Variants in DMD observed in about 807,000 individuals in gnomAD.
DMD encodes mutant dystrophin.
A neutral mutation model predicts 330.1 loss-of-function variants in DMD; 63 were observed. The observed-to-expected ratio is 0.19, with a 90% CI of 0.16 to 0.24. DMD has a LOEUF of 0.24. Ranked by LOEUF, DMD falls within the 10% of genes least tolerant of loss-of-function variation. The pLI, the probability that DMD is intolerant of heterozygous loss-of-function variation, is 1.00. For missense variants in DMD, 3,344 were observed against 2,684.1 expected, an observed-to-expected ratio of 1.25 and a Z score of -5.43; for synonymous variants, 1,223 against 959.8, an observed-to-expected ratio of 1.27 and a Z score of -5.07.
intron 17 of DMD, among the ~76,000 whole-genome samples, chrX:32,532,733 A>C (rs1236598422): frequency 8.9e-6 from 1 of 112,437 alleles, no homozygotes; most frequent in Non-Finnish European, 1.9e-5. Flanking sequence ...CTCACGTGTG[A>C]GAGTAGTCAT....
At chrX:33,326,044 C>G (rs1368626416) in intron 1 of DMD, among the ~76,000 whole-genome samples, 1 of 110,872 alleles carries the variant, frequency 9.0e-6, no homozygotes, top group Admixed American at 9.7e-5. Flanking sequence ...AAAATGGTAA[C>G]TTGGGTCAAC....
intron 2 of DMD, among the ~76,000 whole-genome samples, chrX:32,924,451 G>A (rs1264553980): frequency 9.0e-6 from 1 of 111,312 alleles, no homozygotes; most frequent in Non-Finnish European, 1.9e-5. Flanking sequence ...TCTGAGCCCA[G>A]GAATTCAAGG....
At chrX:32,503,514 A>G (rs1161885733) in intron 18 of DMD, among the ~76,000 whole-genome samples, 1 of 112,194 alleles carries the variant, frequency 8.9e-6, no homozygotes, top group African/African-American at 3.2e-5. Flanking sequence ...GTATCTGAAA[A>G]GACTATCTAA....
At chrX:32,283,016 A>C (rs1206803091) in intron 43 of DMD, among the ~76,000 whole-genome samples, 1 of 112,169 alleles carries the variant, frequency 8.9e-6, no homozygotes, top group African/African-American at 3.2e-5. Flanking sequence ...TTGGCCAATC[A>C]AATGTCAGTG....
At chrX:32,774,122 C>G (rs1288272033) in intron 7 of DMD, among the ~76,000 whole-genome samples, 6 of 111,859 alleles carry the variant, frequency 5.4e-5, no homozygotes, top group African/African-American at 1.3e-4. Flanking sequence ...GTCTGAAATT[C>G]CTTAGGAGAA....
intron 60 of DMD, among the ~76,000 whole-genome samples, chrX:31,371,787 T>G (rs1198736041): frequency 8.9e-6 from 1 of 111,945 alleles, no homozygotes; most frequent in Non-Finnish European, 1.9e-5. Context: ...TGATAATGGA[T>G]GTATTTGAAC....
intron 34 of DMD, among the ~76,000 whole-genome samples, chrX:32,379,488 T>C (rs2097916408): frequency 8.9e-6 from 1 of 111,903 alleles, no homozygotes; most frequent in Non-Finnish European, 1.9e-5. Context: ...TTCCTTGCTA[T>C]AGTAATCTCA....
chrX:31,178,852 C>A, intron 69 of DMD, 47 bp from the exon 70 acceptor site: 1 of 1,185,432 alleles, frequency 8.4e-7, no homozygotes, highest in Non-Finnish European at 1.1e-6. Context: ...AGGATGATTT[C>A]AAAACTAATG....
chrX:31,188,161 G>A (rs925679768), intron 67 of DMD, among the ~76,000 whole-genome samples: 1 of 111,946 alleles, frequency 8.9e-6, no homozygotes, highest in Non-Finnish European at 1.9e-5. Flanking sequence ...TGAAGACAAG[G>A]TACGGGGATT....
intron 1 of DMD, among the ~76,000 whole-genome samples, chrX:33,153,176 C>T (rs1443938283): frequency 1.8e-5 from 2 of 112,687 alleles, no homozygotes. Flanking sequence ...TTTGGGAGGC[C>T]GAGGCAGGCG....
chrX:31,511,652 G>A (rs1459168327), intron 55 of DMD, among the ~76,000 whole-genome samples: 1 of 103,201 alleles, frequency 9.7e-6, no homozygotes, highest in Non-Finnish European at 2.0e-5. Flanking sequence ...TCCCTACAAA[G>A]GATGTGAACT....
chrX:31,275,247 C>T (rs2052017112), intron 62 of DMD, among the ~76,000 whole-genome samples: 2 of 109,427 alleles, frequency 1.8e-5, no homozygotes, highest in African/African-American at 6.7e-5. Context: ...TACATTGACT[C>T]TGTGAGCTAA....
chrX:33,068,483 ACT>A lies in DMD; in HGVS notation c.32-48285_32-48284del, dbSNP rs912520093. Among the ~76,000 whole-genome samples the A allele has an allele frequency of 2.7e-5, 3 of 111,753 alleles. 1 individual carries two copies. The Admixed American group carries it at 2.9e-4, about 11-fold the overall frequency. The stretch of plus-strand genomic sequence containing the variant: ...AGGTAATAACTGTATATCTAACAAA[ACT>A]CTATTTCATTTCACTCTTAAATTCA... On this transcript the variant is annotated intron_variant, in intron 1 of 78. Coordinates refer to ENST00000357033, the MANE Select transcript of DMD (RefSeq NM_004006.3).
At chrX:31,469,236 G>A (rs964042123) in intron 59 of DMD, among the ~76,000 whole-genome samples, 14 of 111,218 alleles carry the variant, frequency 1.3e-4, no homozygotes, top group African/African-American at 3.3e-4. Context: ...TACTTTGCCC[G>A]TTAGTTGATG....
chrX:33,098,634 G>A (rs2095202157), intron 1 of DMD, among the ~76,000 whole-genome samples: 1 of 111,626 alleles, frequency 9.0e-6, no homozygotes, highest in Admixed American at 9.6e-5. Flanking sequence ...GAAACAGAAT[G>A]CTTGTTCCCT....
rs183107314 is a variant in DMD at position 31,847,541 on chromosome X, C to T, written c.7099-10722G>A. Among the ~76,000 whole-genome samples the T allele has an allele frequency of 1.5e-4, 17 of 111,482 alleles. No homozygotes were observed. In the East Asian group the frequency reaches 4.8e-3, roughly 31 times the overall value. ...ATTAACTTCACTGAAAATATTCTTTCGTACATATTTTCTTCAGTGAGTATA... is the reference window on the plus strand; with the variant it reads ...ATTAACTTCACTGAAAATATTCTTTTGTACATATTTTCTTCAGTGAGTATA... On this transcript the variant is annotated intron_variant, in intron 48 of 78. Transcript: ENST00000357033.
intron 41 of DMD, among the ~76,000 whole-genome samples, chrX:32,324,291 A>C (rs1226693234): frequency 1.8e-5 from 2 of 111,782 alleles, no homozygotes; most frequent in African/African-American, 6.5e-5. Flanking sequence ...TAAGTTAAAA[A>C]GACAAAATTA....
chrX:32,732,032 T>C (rs932291015), intron 7 of DMD, among the ~76,000 whole-genome samples: 1 of 111,000 alleles, frequency 9.0e-6, no homozygotes, highest in Non-Finnish European at 1.9e-5. Flanking sequence ...TAGAAGAATG[T>C]ATAAGTAGAA....
At chrX:32,567,537 A>C (rs2051875420) in intron 15 of DMD, among the ~76,000 whole-genome samples, 1 of 111,338 alleles carries the variant, frequency 9.0e-6, no homozygotes, top group Admixed American at 9.6e-5. Flanking sequence ...CTGGTATTAT[A>C]GGCACATGCC....
Sources: gnomAD v4.1 joint callset for allele counts (sites outside exome capture counted in the v4.1 genomes callset) on GRCh38, gnomAD v4.1.1 for gene constraint, MANE v1.5 for transcripts, NCBI Gene and HGNC (gene_info 2026-07-23, HGNC 2026-07-21) for gene names.